MAP4K4: variants seen among roughly 807,000 people sequenced by gnomAD.
MAP4K4 encodes mitogen-activated protein kinase kinase kinase kinase 4.
A neutral mutation model predicts 189.6 loss-of-function variants in MAP4K4; 38 were observed. That is an observed-to-expected ratio of 0.20 (90% CI 0.15 to 0.26). MAP4K4 has a LOEUF of 0.26. Ranked by LOEUF, MAP4K4 falls within the 10% of genes least tolerant of loss-of-function variation. The pLI, the probability that MAP4K4 is intolerant of heterozygous loss-of-function variation, is 1.00. For missense variants in MAP4K4, 1,054 were observed against 1,726.9 expected (o/e 0.61, Z 6.91); for synonymous variants, 610 against 624.3 (o/e 0.98, Z 0.34).
At chr2:101,732,373 C>T (rs1398582987) in intron 2 of MAP4K4, among the ~76,000 whole-genome samples, 3 of 152,134 alleles carry the variant, frequency 2.0e-5, no homozygotes, top group Non-Finnish European at 4.4e-5. Context: ...AGTGGTTTTA[C>T]CATCTCGAGG....
chr2:101,851,471 GTA>G (rs1206730869), intron 12 of MAP4K4, among the ~76,000 whole-genome samples: 1 of 152,116 alleles, frequency 6.6e-6, no homozygotes, highest in Admixed American at 6.5e-5. Flanking sequence ...TTGATGGTGT[GTA>G]TGTTTCAGTT....
chr2:101,759,494 TCCTCC>T (rs2074761697), intron 2 of MAP4K4, among the ~76,000 whole-genome samples: 2 of 23,586 alleles, frequency 8.5e-5, no homozygotes, highest in South Asian at 2.6e-3. Flanking sequence ...CCCTCCCCTC[TCCTCC>T]CCTCTCCCCT....
rs767497613 is a variant in MAP4K4 at position 101,864,008 on chromosome 2, A to G, written c.2054A>G (p.Gln685Arg). The G allele has an allele frequency of 2.9e-6, 4 of 1,367,680 alleles. No individual in the cohort carries two copies. In the Admixed American group the frequency reaches 7.6e-5, roughly 26 times the overall value. The allele number at this position is 1,367,680 out of a possible 1,614,324, so 84.7% of individuals were successfully genotyped here. The stretch of plus-strand genomic sequence containing the variant: ...AAGTCAGAGGCGCCTGACCCTACCC[A>G]AAAGGCTTGGTCTAGATCAGACAGT... Residue 685 changes from glutamine (Q) to arginine (R), a missense_variant, in exon 17 of 33, where the codon CAA becomes CGA. Coordinates refer to ENST00000324219, the Ensembl canonical transcript of MAP4K4.
rs772987079 is a variant in MAP4K4, at chr2:101,698,456, C to A, written c.58-17C>A. The A allele has an allele frequency of 1.4e-5, 23 of 1,608,444 alleles. No individual in the cohort carries two copies. Among genetic ancestry groups the A allele is most frequent in the Non-Finnish European group, 2.0e-5 (23 of 1,174,904 alleles). On this transcript the variant is annotated splice_polypyrimidine_tract_variant and intron_variant, in intron 1 of 32. Transcript: ENST00000324219. ...GGCTTCTTTTAAATGATAACCCCTC[C>A]CCTCCTTCCTCTCCAGGATCCTGCT...
intron 2 of MAP4K4, among the ~76,000 whole-genome samples, chr2:101,721,409 G>A (rs1264271997): frequency 6.6e-6 from 1 of 151,286 alleles, no homozygotes; most frequent in Non-Finnish European, 1.5e-5. Flanking sequence ...TTTGAGTAGC[G>A]TGTTAAGGGG....
At chr2:101,768,580 A>C (rs1438674358) in intron 2 of MAP4K4, among the ~76,000 whole-genome samples, 1 of 152,224 alleles carries the variant, frequency 6.6e-6, no homozygotes, top group Non-Finnish European at 1.5e-5. Context: ...AAGACAATGT[A>C]GTAATACGTC....
At chr2:101,806,539 C>T (rs530351397) in intron 3 of MAP4K4, among the ~76,000 whole-genome samples, 1 of 152,186 alleles carries the variant, frequency 6.6e-6, no homozygotes, top group Admixed American at 6.5e-5. Context: ...CCGTGCCCGG[C>T]TTATTTTTAT....
chr2:101,849,376 G>A (rs1179084975), intron 12 of MAP4K4, among the ~76,000 whole-genome samples: 1 of 152,038 alleles, frequency 6.6e-6, no homozygotes, highest in Non-Finnish European at 1.5e-5. Flanking sequence ...CAATCCACCC[G>A]CCTCAGCCTC....
chr2:101,878,488 T>C (rs1302766999), intron 27 of MAP4K4, among the ~76,000 whole-genome samples: 3 of 152,210 alleles, frequency 2.0e-5, no homozygotes, highest in African/African-American at 7.2e-5. Context: ...TGGCCTCCAT[T>C]TTATATGGCT....
At chr2:101,718,082 C>A (rs2049442334) in intron 2 of MAP4K4, among the ~76,000 whole-genome samples, 1 of 151,964 alleles carries the variant, frequency 6.6e-6, no homozygotes, top group African/African-American at 2.4e-5. Context: ...CATGGAGAAA[C>A]CCCATCTCTA....
chr2:101,836,470 C>A (rs2096757873), intron 9 of MAP4K4, among the ~76,000 whole-genome samples: 1 of 151,982 alleles, frequency 6.6e-6, no homozygotes. Flanking sequence ...TGCCTCTAAT[C>A]CCAGCTACTC....
At chr2:101,881,125 A>G (rs1005584135) in intron 27 of MAP4K4, among the ~76,000 whole-genome samples, 4 of 152,146 alleles carry the variant, frequency 2.6e-5, no homozygotes, top group Non-Finnish European at 5.9e-5. Context: ...CTCTCCATTT[A>G]TTTAGTTCTT....
At chr2:101,811,648 GC>G (rs1362671146) in intron 3 of MAP4K4, among the ~76,000 whole-genome samples, 6 of 152,032 alleles carry the variant, frequency 3.9e-5, no homozygotes, top group African/African-American at 1.5e-4. Flanking sequence ...TCCCTGTCCT[GC>G]CCCTGCTTGC....
At chr2:101,887,649 T>C (rs2098507011) in intron 30 of MAP4K4, 129 bp from the exon 31 acceptor site, 3 of 655,626 alleles carry the variant, frequency 4.6e-6, no homozygotes, top group Admixed American at 3.3e-5. Context: ...TCTAAAATGT[T>C]AATCTAATTG....
At chr2:101,754,329 A>C (rs2070985784) in intron 2 of MAP4K4, among the ~76,000 whole-genome samples, 1 of 141,702 alleles carries the variant, frequency 7.1e-6, no homozygotes, top group Non-Finnish European at 1.5e-5. Context: ...TGAGTTGGGA[A>C]GCTTTTTTGC....
intron 2 of MAP4K4, among the ~76,000 whole-genome samples, chr2:101,779,513 A>C (rs983516393): frequency 6.6e-6 from 1 of 152,138 alleles, no homozygotes; most frequent in Non-Finnish European, 1.5e-5. Context: ...ACTGAGGAAA[A>C]CTCATCTGTT....
rs115917542 is a variant in MAP4K4, at chr2:101,705,719, C to T, written c.123+7181C>T. On this transcript the variant is annotated intron_variant, in intron 2 of 32. Coordinates refer to ENST00000324219, the Ensembl canonical transcript of MAP4K4. ...ATTTCAGAAATGATCTTGCTGTGGT[C>T]AGCAGACCACACTTTGAGGAACACT... Among the ~76,000 whole-genome samples, 77 of 152,250 alleles carry T rather than the reference C, an allele frequency of 5.1e-4. 1 individual carries two copies. The highest frequency in any genetic ancestry group is 5.0e-4 in the Non-Finnish European group (34 of 68,022).
intron 27 of MAP4K4, among the ~76,000 whole-genome samples, chr2:101,878,861 T>C (rs912596764): frequency 1.3e-5 from 2 of 152,212 alleles, no homozygotes; most frequent in Admixed American, 6.5e-5. Context: ...ACTTCTAATA[T>C]ATGCTTTGGT....
intron 2 of MAP4K4, among the ~76,000 whole-genome samples, chr2:101,717,642 T>G (rs934457817): frequency 2.6e-4 from 40 of 152,294 alleles, no homozygotes; most frequent in African/African-American, 8.7e-4. Flanking sequence ...TGGGACTGTC[T>G]GTGGTGTGCC....
Sources: gnomAD v4.1 joint callset for allele counts (sites outside exome capture counted in the v4.1 genomes callset) on GRCh38, gnomAD v4.1.1 for gene constraint, MANE v1.5 for transcripts, NCBI Gene and HGNC (gene_info 2026-07-23, HGNC 2026-07-21) for gene names.